TRIM2: variants seen among roughly 807,000 people sequenced by gnomAD.
TRIM2 encodes tripartite motif containing 2.
In TRIM2, 20 loss-of-function variants were observed where a neutral mutation model predicts 75.2. The ratio of observed to expected loss-of-function variants is 0.27; its 90% CI spans 0.19 to 0.39. The LOEUF (loss-of-function observed/expected upper bound fraction) is 0.39. TRIM2 is among the 10% of genes least tolerant of loss of function. The pLI is 1.00. For missense variants in TRIM2, 660 were observed against 990.8 expected (o/e 0.67, Z 4.48); for synonymous variants, 373 against 388.3 (o/e 0.96, Z 0.46).
intron 3 of TRIM2, among the ~76,000 whole-genome samples, chr4:153,288,469 T>A (rs944901171): frequency 6.6e-6 from 1 of 152,140 alleles, no homozygotes; most frequent in African/African-American, 2.4e-5. Context: ...TATGGAATAT[T>A]TCTTATACAA....
intron 1 of TRIM2, among the ~76,000 whole-genome samples, chr4:153,163,495 C>CTT (rs70949644): frequency 0.1 from 10,201 of 97,590 alleles, 867 homozygotes; most frequent in Non-Finnish European, 0.15. Context: ...AGATTTACAT[C>CTT]TTTTTTTTTT....
intron 1 of TRIM2, among the ~76,000 whole-genome samples, chr4:153,246,911 T>C (rs564433605): frequency 3.2e-4 from 48 of 152,216 alleles, no homozygotes; most frequent in Admixed American, 5.2e-4. Flanking sequence ...TTCCTGGCAC[T>C]GGTCCAGATG....
intron 1 of TRIM2, among the ~76,000 whole-genome samples, chr4:153,216,957 C>A (rs1006948486): frequency 6.6e-6 from 1 of 152,142 alleles, no homozygotes; most frequent in Non-Finnish European, 1.5e-5. Context: ...CACATTCAGG[C>A]CACAGCAATG....
Position 153,204,537 on chromosome 4 carries a change from A to G in TRIM2, c.7A>G (p.Arg3Gly), listed in dbSNP as rs1734851137. The G allele has an allele frequency of 3.9e-6, 6 of 1,551,726 alleles. No homozygotes were observed. In the South Asian group the frequency reaches 5.9e-5, roughly 15 times the overall value. The change falls in exon 1 of 12, where the codon AGG (arginine) becomes GGG (glycine). Residue 3 changes from arginine (R) to glycine (G), a missense_variant. Physicochemically the swap from Arg to Gly is moderately radical, Grantham distance 125. Transcript: ENST00000338700. ...AGGCTGGCTCTGGTCTTCGATGCAC[A>G]GGAGTGGCCGTTATGGAACGCAGGT... MH[R>G]SGRYGTQQQR... is the part of the protein sequence containing the mutation.
At chr4:153,292,516 C>T (rs1328703760) in intron 3 of TRIM2, among the ~76,000 whole-genome samples, 1 of 152,158 alleles carries the variant, frequency 6.6e-6, no homozygotes, top group Admixed American at 6.5e-5. Context: ...GGTCTTAACT[C>T]CTGGCCTCGA....
At chr4:153,244,429 CTTCTTCTTTTA>C (rs1560875804) in intron 1 of TRIM2, among the ~76,000 whole-genome samples, 1,751 of 96,112 alleles carry the variant, frequency 0.018, 271 homozygotes, top group African/African-American at 0.04. Flanking sequence ...TCTTCTTCTT[CTTCTTCTTTTA>C]ATTAGAGAGG....
chr4:153,315,698 T>C, intron 7 of TRIM2, 110 bp downstream of exon 7: 3 of 1,444,030 alleles, frequency 2.1e-6, no homozygotes, highest in Admixed American at 2.0e-5. Flanking sequence ...AAAAAGCTTA[T>C]GTTTATGTAG....
intron 6 of TRIM2, among the ~76,000 whole-genome samples, chr4:153,306,624 C>T (rs1252100905): frequency 1.3e-5 from 2 of 152,188 alleles, no homozygotes; most frequent in African/African-American, 4.8e-5. Flanking sequence ...AACAGGCATT[C>T]TCTGAGCCAG....
chr4:153,310,334 A>G (rs1032023957), intron 6 of TRIM2: 5 of 152,202 alleles, frequency 3.3e-5, no homozygotes, highest in Non-Finnish European at 5.9e-5. Context: ...TTATATATTT[A>G]GAATACTTTA....
At chr4:153,233,165 T>C (rs1744112758) in intron 1 of TRIM2, among the ~76,000 whole-genome samples, 1 of 152,054 alleles carries the variant, frequency 6.6e-6, no homozygotes, top group South Asian at 2.1e-4. Context: ...GCATTTAAAG[T>C]AGAGGAGAAA....
rs535603154 is a variant in TRIM2, at chr4:153,248,377, C to G, written c.31-21958C>G. 1.8e-4 allele frequency among the ~76,000 whole-genome samples: 27 copies of G among 152,292 alleles called. No homozygotes were observed. The highest frequency in any genetic ancestry group is 1.6e-3 in the Admixed American group (25 of 15,296). On this transcript the variant is annotated intron_variant, in intron 1 of 11. Transcript: ENST00000338700. The surrounding 1 kb of genome is among the most constrained non-coding windows in gnomAD (Gnocchi z 4.0). ...TGTAGTCAGTACCCTTGTCATCCCC[C>G]GTACACTTGAGGTAATTGAGGAATA... is the stretch of plus-strand genomic sequence containing the variant.
At chr4:153,231,154 A>G (rs1743510786) in intron 1 of TRIM2, among the ~76,000 whole-genome samples, 1 of 152,194 alleles carries the variant, frequency 6.6e-6, no homozygotes, top group African/African-American at 2.4e-5. Context: ...AGAAGAAAGG[A>G]TGTTTTGTTG....
rs1020461502 is a variant in TRIM2 at position 153,304,284 on chromosome 4, T to C, written c.1510+8248T>C. 3.3e-5 allele frequency among the ~76,000 whole-genome samples: 5 copies of C among 151,968 alleles called. No individual in the cohort carries two copies. In the South Asian group the frequency reaches 8.3e-4, roughly 25 times the overall value. On this transcript the variant is annotated intron_variant, in intron 6 of 11. Coordinates refer to ENST00000338700, the MANE Select transcript of TRIM2 (RefSeq NM_015271.5). Reference sequence around the variant, plus strand: ...GTGCACCACCACACCTGGCTAATTTTTGTATTTTCAGTAGAGATGGGCTTT... The same window carrying C: ...GTGCACCACCACACCTGGCTAATTTCTGTATTTTCAGTAGAGATGGGCTTT...
chr4:153,239,070 C>T (rs538992396), intron 1 of TRIM2, among the ~76,000 whole-genome samples: 22 of 152,170 alleles, frequency 1.4e-4, no homozygotes, highest in Middle Eastern at 3.4e-3. Context: ...ATAACTCTGG[C>T]GGCCGGGCGT....
At chr4:153,153,452 C>A (rs1383555400) in intron 1 of TRIM2, among the ~76,000 whole-genome samples, 1 of 152,044 alleles carries the variant, frequency 6.6e-6, no homozygotes, top group African/African-American at 2.4e-5. Context: ...GGCGAGGAGG[C>A]GACAGCCCGG....
rs767697248 is a variant in TRIM2 at position 153,300,194 on chromosome 4, A to G, written c.1510+4158A>G. ...TTCCATAATGGCTGTACTAATTTAC[A>G]TTCCCACCAACCTGTGCCAGGGTTC... On this transcript the variant is annotated intron_variant, in intron 6 of 11. Transcript: ENST00000338700. 5.8e-4 allele frequency among the ~76,000 whole-genome samples: 88 copies of G among 152,172 alleles called. 1 individual carries two copies. Among genetic ancestry groups the G allele is most frequent in the Non-Finnish European group, 9.7e-4 (66 of 68,030 alleles).
intron 1 of TRIM2, chr4:153,257,505 T>G: frequency 7.8e-7 from 1 of 1,279,396 alleles, no homozygotes; most frequent in Non-Finnish European, 1.0e-6. Flanking sequence ...CAGCCTTCTC[T>G]CATTTCCTCC....
At position 153,247,413 on chromosome 4, in the gene TRIM2, C is replaced by T. The variant is rs561695461; in HGVS notation, c.31-22922C>T. 4.6e-5 allele frequency among the ~76,000 whole-genome samples: 7 copies of T among 152,276 alleles called. No homozygotes were observed. The South Asian group carries it at 6.2e-4, about 14-fold the overall frequency. On this transcript the variant is annotated intron_variant, in intron 1 of 11. Coordinates refer to ENST00000338700, the MANE Select transcript of TRIM2 (RefSeq NM_015271.5). The stretch of plus-strand genomic sequence containing the variant: ...TTTAGGCACCAGGCGCGGTCACTCA[C>T]GCCTGTAGTCCCAGCACTTCGGGAG...
intron 1 of TRIM2, among the ~76,000 whole-genome samples, chr4:153,266,317 G>A (rs1346024694): frequency 6.7e-6 from 1 of 149,254 alleles, no homozygotes; most frequent in East Asian, 2.0e-4. Flanking sequence ...CTATGTATGT[G>A]TGCCACCATG....
Sources: allele counts gnomAD v4.1 joint callset (sites outside exome capture counted in the v4.1 genomes callset), GRCh38; gene constraint gnomAD v4.1.1; non-coding constraint Gnocchi (gnomAD v3.1); transcripts MANE v1.5; gene names NCBI Gene and HGNC (gene_info 2026-07-23, HGNC 2026-07-21).